The following SPAG16 variants were observed in gnomAD, a reference collection of about 807,000 sequenced individuals.
SPAG16 encodes the protein sperm-associated antigen 16 protein.
Under a neutral mutation model 80.4 loss-of-function variants are expected in SPAG16, and 86 were observed. The observed-to-expected ratio is 1.07, with a 90% CI of 0.90 to 1.28. The LOEUF (loss-of-function observed/expected upper bound fraction) is 1.28, where lower values mean the gene tolerates loss of function less well. SPAG16 is among the 50% of genes most tolerant of loss of function. The pLI is 0.00. For synonymous variants in SPAG16, 294 were observed against 265.9 expected, an observed-to-expected ratio of 1.11 and a Z score of -1.03; for missense variants, 870 against 765.3, an observed-to-expected ratio of 1.14 and a Z score of -1.61.
chr2:213,926,388 A>C (rs6435805), intron 11 of SPAG16, among the ~76,000 whole-genome samples: 131,194 of 152,064 alleles, frequency 0.86, 58,467 homozygotes, highest in East Asian at 1. Context: ...CCCTCGCCCC[A>C]CTTCCATTCC....
chr2:213,400,730 G>C (rs1387557843), intron 9 of SPAG16, among the ~76,000 whole-genome samples: 1 of 152,038 alleles, frequency 6.6e-6, no homozygotes, highest in African/African-American at 2.4e-5. Context: ...TGTGTTTGTG[G>C]AATTACCTTT....
intron 10 of SPAG16, among the ~76,000 whole-genome samples, chr2:213,626,972 G>A (rs2061985420): frequency 6.6e-6 from 1 of 152,038 alleles, no homozygotes; most frequent in Non-Finnish European, 1.5e-5. Context: ...TTAGACCAAA[G>A]TACTATAGAC....
At chr2:213,905,449 A>G (rs906365805) in intron 11 of SPAG16, among the ~76,000 whole-genome samples, 1 of 152,252 alleles carries the variant, frequency 6.6e-6, no homozygotes, top group African/African-American at 2.4e-5. Context: ...CCACTGGCAT[A>G]CATCTTTCTT....
intron 10 of SPAG16, among the ~76,000 whole-genome samples, chr2:213,645,244 A>C (rs551006775): frequency 6.6e-6 from 1 of 152,234 alleles, no homozygotes; most frequent in East Asian, 1.9e-4. Context: ...CTCAGCTTTT[A>C]GGGCAGTGGG....
intron 15 of SPAG16, among the ~76,000 whole-genome samples, chr2:214,277,693 G>A (rs1347794395): frequency 6.6e-6 from 1 of 152,134 alleles, no homozygotes; most frequent in Non-Finnish European, 1.5e-5. Context: ...ATCCCAGAGG[G>A]GAACCCACAT....
chr2:214,385,077 T>C (rs1481858024), intron 15 of SPAG16, among the ~76,000 whole-genome samples: 1 of 152,186 alleles, frequency 6.6e-6, no homozygotes, highest in Non-Finnish European at 1.5e-5. Context: ...ACACTAATAG[T>C]CATTAGATAG....
chr2:213,688,433 A>G (rs2064789690), intron 10 of SPAG16, among the ~76,000 whole-genome samples: 1 of 152,216 alleles, frequency 6.6e-6, no homozygotes, highest in Non-Finnish European at 1.5e-5. Flanking sequence ...TTGCAGGGCC[A>G]TTTCAAAATG....
chr2:214,072,750 A>G (rs2050850012), intron 13 of SPAG16, among the ~76,000 whole-genome samples: 1 of 152,206 alleles, frequency 6.6e-6, no homozygotes, highest in Non-Finnish European at 1.5e-5. Flanking sequence ...AGTAGAAGAC[A>G]ATATATTTTA....
intron 9 of SPAG16, among the ~76,000 whole-genome samples, chr2:213,463,853 G>A (rs558417382): frequency 2.0e-4 from 31 of 152,316 alleles, no homozygotes; most frequent in African/African-American, 7.5e-4. Flanking sequence ...GCGAGGGAGT[G>A]GCTCCCAGCA....
At chr2:214,251,687 C>G (rs917627797) in intron 15 of SPAG16, among the ~76,000 whole-genome samples, 12 of 152,118 alleles carry the variant, frequency 7.9e-5, no homozygotes, top group African/African-American at 2.9e-4. Flanking sequence ...ATGGGGCTTC[C>G]TCTGTGTCCA....
At chr2:213,642,349 C>T (rs1410314291) in intron 10 of SPAG16, among the ~76,000 whole-genome samples, 1 of 152,152 alleles carries the variant, frequency 6.6e-6, no homozygotes, top group Non-Finnish European at 1.5e-5. Flanking sequence ...TTAGTCTTGT[C>T]TCCTATCGGC....
chr2:213,479,093 C>CTTTTTTTT (rs1559173970), intron 9 of SPAG16, among the ~76,000 whole-genome samples: 4 of 115,646 alleles, frequency 3.5e-5, no homozygotes, highest in African/African-American at 1.1e-4. Flanking sequence ...ACACTGGCTT[C>CTTTTTTTT]CTTTTTTTTT....
Position 213,364,093 on chromosome 2 carries a change from A to G in SPAG16, c.780A>G (p.Glu260=). The G allele has an allele frequency of 1.3e-6, 2 of 1,517,244 alleles. No individual in the cohort carries two copies. The highest frequency in any genetic ancestry group is 8.8e-7 in the Non-Finnish European group (1 of 1,134,122). The allele number at this position is 1,517,244 out of a possible 1,614,324, so 94.0% of individuals were successfully genotyped here. The change falls in exon 8 of 16, where the codon GAA becomes GAG. Residue 260 remains glutamate (E), a synonymous_variant. Coordinates refer to ENST00000331683, the MANE Select transcript of SPAG16 (RefSeq NM_024532.5). ...KVVGQISGLQ[E]TLKKLQRGHS... ...CTTTTTAGATTTCTGGACTTCAAGAAACATTGAAGAAACTGCAAAGAGGAC... is the reference window on the plus strand; with the variant it reads ...CTTTTTAGATTTCTGGACTTCAAGAGACATTGAAGAAACTGCAAAGAGGAC...
chr2:213,315,471 G>A lies in SPAG16; in HGVS notation c.399-1748G>A, dbSNP rs562886928. 7.2e-5 allele frequency among the ~76,000 whole-genome samples: 11 copies of A among 151,824 alleles called. No homozygotes were observed. The East Asian group carries it at 2.1e-3, about 29-fold the overall frequency. On this transcript the variant is annotated intron_variant, in intron 4 of 15. Coordinates refer to ENST00000331683, the MANE Select transcript of SPAG16 (RefSeq NM_024532.5). ...TCCATTGTCAGTTTTTTCCCTCTTG[G>A]CTGAGTCATTCCCATAAGCATACAG...
chr2:213,835,106 A>G (rs2074001767), intron 10 of SPAG16, among the ~76,000 whole-genome samples: 1 of 152,102 alleles, frequency 6.6e-6, no homozygotes, highest in African/African-American at 2.4e-5. Flanking sequence ...TTTAGTGGGA[A>G]ATTTAGGAAA....
intron 6 of SPAG16, among the ~76,000 whole-genome samples, chr2:213,345,598 T>C (rs1392989370): frequency 7.5e-6 from 1 of 134,178 alleles, no homozygotes; most frequent in Non-Finnish European, 1.6e-5. Context: ...TTTCTACATA[T>C]GGCTAGCCAG....
rs758753280 is a variant in SPAG16 at position 213,775,387 on chromosome 2, TTAC to T, written c.1071-87094_1071-87092del. Among the ~76,000 whole-genome samples, 146 of 152,300 alleles carry T rather than the reference TTAC, an allele frequency of 9.6e-4. 1 individual carries two copies. Among genetic ancestry groups the T allele is most frequent in the African/African-American group, 3.4e-3 (140 of 41,570 alleles). On this transcript the variant is annotated intron_variant, in intron 10 of 15. Transcript: ENST00000331683. The stretch of plus-strand genomic sequence containing the variant: ...AGATATGCATATAGCTGTGAAATTA[TTAC>T]TACATTCTATTTTATAAACACAGCT...
chr2:213,366,128 C>T lies in SPAG16; in HGVS notation c.832+1983C>T, dbSNP rs1285337492. On this transcript the variant is annotated intron_variant, in intron 8 of 15. Coordinates refer to ENST00000331683, the MANE Select transcript of SPAG16 (RefSeq NM_024532.5). ...CTGCACTCCAGCCTGGGCGACAGAGCGAGACTCCGTCTCAAAAAAAAAAAA... is the reference window on the plus strand; with the variant it reads ...CTGCACTCCAGCCTGGGCGACAGAGTGAGACTCCGTCTCAAAAAAAAAAAA... 3.3e-4 allele frequency among the ~76,000 whole-genome samples: 41 copies of T among 123,844 alleles called. 1 individual carries two copies. In the South Asian group the frequency reaches 5.8e-3, roughly 17 times the overall value. The allele number at this position is 123,844 out of a possible 152,430, so 81.2% of individuals were successfully genotyped here. A position where few individuals can be genotyped will look rare whatever the true frequency, so the allele number is the denominator to read the frequency against.
chr2:213,351,031 A>C (rs573369666), intron 7 of SPAG16, among the ~76,000 whole-genome samples: 1 of 151,972 alleles, frequency 6.6e-6, no homozygotes, highest in Non-Finnish European at 1.5e-5. Flanking sequence ...AATCCCTGCT[A>C]CGTGGGAGGC....
Sources: gnomAD v4.1 joint callset for allele counts (sites outside exome capture counted in the v4.1 genomes callset) on GRCh38, gnomAD v4.1.1 for gene constraint, MANE v1.5 for transcripts, NCBI Gene and HGNC (gene_info 2026-07-23, HGNC 2026-07-21) for gene names.